The following SLC4A10 variants were observed in gnomAD, a reference collection of about 807,000 sequenced individuals.
SLC4A10 encodes the protein sodium-driven chloride bicarbonate exchanger.
In SLC4A10, 42 loss-of-function variants were observed where a neutral mutation model predicts 137.7. The ratio of observed to expected loss-of-function variants is 0.30; its 90% CI spans 0.24 to 0.39. The LOEUF is 0.39. Among genes scored for constraint, SLC4A10 ranks in the 10% least tolerant of loss-of-function variants. The probability of loss-of-function intolerance (pLI) is 1.00; values close to 1 mark genes in which losing one functional copy is unlikely to be tolerated. For synonymous variants in SLC4A10, 474 were observed against 464.1 expected, an observed-to-expected ratio of 1.02 and a Z score of -0.27; for missense variants, 925 against 1,355.0, an observed-to-expected ratio of 0.68 and a Z score of 4.98.
chr2:161,766,136 C>T (rs1208203895), intron 1 of SLC4A10, among the ~76,000 whole-genome samples: 2 of 152,072 alleles, frequency 1.3e-5, no homozygotes, highest in African/African-American at 4.8e-5. Flanking sequence ...GAGACACTTA[C>T]ATTGAATTAC....
At chr2:161,787,064 T>C (rs2053709124) in intron 2 of SLC4A10, among the ~76,000 whole-genome samples, 1 of 152,030 alleles carries the variant, frequency 6.6e-6, no homozygotes, top group Non-Finnish European at 1.5e-5. Context: ...GTATTGTCCT[T>C]TTTCCCCACG....
chr2:161,777,593 G>C (rs1373038388), intron 2 of SLC4A10, among the ~76,000 whole-genome samples: 1 of 151,958 alleles, frequency 6.6e-6, no homozygotes, highest in African/African-American at 2.4e-5. Context: ...AGGCAAGAAG[G>C]AGCAAGTCAC....
chr2:161,881,522 A>G (rs895157413), intron 9 of SLC4A10, among the ~76,000 whole-genome samples: 2 of 152,070 alleles, frequency 1.3e-5, no homozygotes, highest in Non-Finnish European at 2.9e-5. Flanking sequence ...TATAGTAACT[A>G]TTTTAGTACA....
chr2:161,759,504 G>A (rs185317626), intron 1 of SLC4A10, among the ~76,000 whole-genome samples: 260 of 151,914 alleles, frequency 1.7e-3, no homozygotes, highest in Non-Finnish European at 3.4e-3. Flanking sequence ...TCAGTCCCTG[G>A]CAACCAACCT....
chr2:161,876,395 G>A (rs1205864112), intron 8 of SLC4A10, among the ~76,000 whole-genome samples: 1 of 152,004 alleles, frequency 6.6e-6, no homozygotes, highest in Non-Finnish European at 1.5e-5. Flanking sequence ...TTGCTTAGGG[G>A]GCCAAGGGCA....
At chr2:161,945,325 A>C (rs1280418338) in intron 16 of SLC4A10, among the ~76,000 whole-genome samples, 1 of 149,886 alleles carries the variant, frequency 6.7e-6, no homozygotes, top group Non-Finnish European at 1.5e-5. Flanking sequence ...TTGGTGTTTC[A>C]GTGCCTGAAT....
chr2:161,671,036 G>A (rs557357952), intron 1 of SLC4A10, among the ~76,000 whole-genome samples: 11 of 152,226 alleles, frequency 7.2e-5, no homozygotes, highest in East Asian at 1.9e-4. Context: ...ATAATAGGTC[G>A]TTGGTAAATA....
At chr2:161,878,124 T>A (rs1283142280) in intron 8 of SLC4A10, among the ~76,000 whole-genome samples, 2 of 152,084 alleles carry the variant, frequency 1.3e-5, no homozygotes, top group East Asian at 3.9e-4. Flanking sequence ...CTAAAAAAAA[T>A]CTTCTCAGCC....
At chr2:161,927,190 G>C (rs1309182244) in intron 15 of SLC4A10, among the ~76,000 whole-genome samples, 6 of 152,182 alleles carry the variant, frequency 3.9e-5, no homozygotes, top group Non-Finnish European at 7.3e-5. Context: ...TCACTTTCAG[G>C]TACACCAATC....
In SLC4A10 at chr2:161,686,242, A is replaced by G. The variant is rs528862372; in HGVS notation, c.48+61676A>G. ...AAATCAAATCCCTTAGGGATATGAAAGATGAAGTTTTAAAAGCACATTGTT... is the reference window on the plus strand; with the variant it reads ...AAATCAAATCCCTTAGGGATATGAAGGATGAAGTTTTAAAAGCACATTGTT... On this transcript the variant is annotated intron_variant, in intron 1 of 26. Coordinates refer to ENST00000446997, the MANE Select transcript of SLC4A10 (RefSeq NM_001178015.2). Among the ~76,000 whole-genome samples the G allele has an allele frequency of 7.2e-5, 11 of 152,368 alleles. No individual in the cohort carries two copies. In the South Asian group the frequency reaches 1.9e-3, roughly 26 times the overall value.
intron 12 of SLC4A10, among the ~76,000 whole-genome samples, 180 bp from the exon 13 acceptor site, chr2:161,903,824 G>A (rs1317996768): frequency 9.2e-5 from 14 of 152,162 alleles, no homozygotes; most frequent in Non-Finnish European, 1.8e-4. Flanking sequence ...TTGAGGTAAC[G>A]AACGTAGTTG....
chr2:161,873,374 A>G (rs1213336105), intron 7 of SLC4A10, among the ~76,000 whole-genome samples: 2 of 151,766 alleles, frequency 1.3e-5, no homozygotes, highest in Non-Finnish European at 2.9e-5. Flanking sequence ...AGTGGAAAAG[A>G]GGAGTTTCTA....
chr2:161,834,403 T>C (rs1413900855), intron 3 of SLC4A10, among the ~76,000 whole-genome samples: 3 of 152,146 alleles, frequency 2.0e-5, no homozygotes, highest in Admixed American at 2.0e-4. Context: ...AGTGAAATTA[T>C]AGCTACCGGA....
At chr2:161,751,818 G>A (rs1462531280) in intron 1 of SLC4A10, among the ~76,000 whole-genome samples, 1 of 151,826 alleles carries the variant, frequency 6.6e-6, no homozygotes, top group African/African-American at 2.4e-5. Context: ...CATAGATTGG[G>A]TAAAAGAACA....
chr2:161,687,048 ATT>A (rs879891097), intron 1 of SLC4A10, among the ~76,000 whole-genome samples: 1 of 151,706 alleles, frequency 6.6e-6, no homozygotes, highest in Non-Finnish European at 1.5e-5. Flanking sequence ...TGCCCAGCAA[ATT>A]TTTTTTATTT....
intron 1 of SLC4A10, among the ~76,000 whole-genome samples, chr2:161,680,221 T>C (rs997534777): frequency 2.0e-5 from 3 of 152,184 alleles, no homozygotes; most frequent in Non-Finnish European, 4.4e-5. Context: ...TCATTTTCTC[T>C]ACTGGACTGT....
At chr2:161,958,225 C>G (rs1226033935) in intron 20 of SLC4A10, among the ~76,000 whole-genome samples, 2 of 151,886 alleles carry the variant, frequency 1.3e-5, no homozygotes, top group Non-Finnish European at 2.9e-5. Flanking sequence ...TAGATTTTGA[C>G]CTATTAAATA....
At chr2:161,847,581 A>G (rs1417017684) in intron 4 of SLC4A10, among the ~76,000 whole-genome samples, 1 of 152,020 alleles carries the variant, frequency 6.6e-6, no homozygotes, top group Non-Finnish European at 1.5e-5. Context: ...CCTTCTTTGT[A>G]GTCCATGTGT....
At chr2:161,901,729 G>T (rs1273538708) in intron 12 of SLC4A10, among the ~76,000 whole-genome samples, 3 of 152,142 alleles carry the variant, frequency 2.0e-5, no homozygotes, top group Non-Finnish European at 4.4e-5. Context: ...TGACTTTCCA[G>T]TTCCTGAGCA....
Sources: gnomAD v4.1 joint callset for allele counts (sites outside exome capture counted in the v4.1 genomes callset) on GRCh38, gnomAD v4.1.1 for gene constraint, MANE v1.5 for transcripts, NCBI Gene and HGNC (gene_info 2026-07-23, HGNC 2026-07-21) for gene names.